TNR: variants seen among roughly 807,000 people sequenced by gnomAD.
TNR encodes the protein tenascin R, also known as tenascin-R.
In TNR, 45 loss-of-function variants were observed where a neutral mutation model predicts 150.4. That is an observed-to-expected ratio of 0.30 (90% CI 0.24 to 0.38). TNR has a LOEUF of 0.38. Ranked by LOEUF, TNR falls within the 10% of genes least tolerant of loss-of-function variation. TNR has a pLI of 1.00. For synonymous variants in TNR, 687 were observed against 678.4 expected (o/e 1.01, Z -0.20); for missense variants, 1,544 against 1,759.1 (o/e 0.88, Z 2.19).
chr1:175,425,987 G>T (rs1372445382), intron 2 of TNR, among the ~76,000 whole-genome samples: 2 of 152,180 alleles, frequency 1.3e-5, no homozygotes, highest in Non-Finnish European at 2.9e-5. Context: ...TAAGGCCAGG[G>T]TTCTTTAAAC....
intron 1 of TNR, among the ~76,000 whole-genome samples, chr1:175,608,644 T>C (rs1479188193): frequency 1.3e-5 from 2 of 152,178 alleles, no homozygotes; most frequent in South Asian, 4.1e-4. Context: ...AGATATAGCA[T>C]GTTCAAGGAG....
chr1:175,540,810 G>T (rs921940496), intron 1 of TNR, among the ~76,000 whole-genome samples: 1 of 151,770 alleles, frequency 6.6e-6, no homozygotes, highest in Non-Finnish European at 1.5e-5. Flanking sequence ...CTCTCAGCCC[G>T]CTTCTAATCC....
intron 2 of TNR, among the ~76,000 whole-genome samples, chr1:175,468,018 G>A (rs1657108018): frequency 6.6e-6 from 1 of 152,246 alleles, no homozygotes; most frequent in African/African-American, 2.4e-5. Flanking sequence ...TACGGCAGCA[G>A]AGAAAGCTTA....
At chr1:175,677,269 C>T (rs1175807308) in intron 1 of TNR, among the ~76,000 whole-genome samples, 3 of 152,174 alleles carry the variant, frequency 2.0e-5, no homozygotes, top group Non-Finnish European at 4.4e-5. Flanking sequence ...GTGAGGATTT[C>T]CTGGGTGTCT....
chr1:175,359,255 C>T (rs1651480261), intron 15 of TNR, among the ~76,000 whole-genome samples: 1 of 143,620 alleles, frequency 7.0e-6, no homozygotes, highest in Non-Finnish European at 1.5e-5. Context: ...AAGTGATTCT[C>T]CTGCCTCAGC....
At chr1:175,432,122 G>T (rs1201543874) in intron 2 of TNR, among the ~76,000 whole-genome samples, 1 of 152,134 alleles carries the variant, frequency 6.6e-6, no homozygotes, top group Non-Finnish European at 1.5e-5. Context: ...GCACATCACA[G>T]GTGGAGGAGG....
chr1:175,689,596 C>T (rs879867484), intron 1 of TNR, among the ~76,000 whole-genome samples: 1 of 152,198 alleles, frequency 6.6e-6, no homozygotes, highest in Non-Finnish European at 1.5e-5. Context: ...ATCCTTGTTA[C>T]AGCCCTGGCT....
chr1:175,474,448 G>A (rs1657455510), intron 2 of TNR, among the ~76,000 whole-genome samples: 1 of 152,138 alleles, frequency 6.6e-6, no homozygotes, highest in Non-Finnish European at 1.5e-5. Context: ...AACCCTGCCG[G>A]CCCCTGATGT....
chr1:175,462,899 G>A (rs1304983472), intron 2 of TNR, among the ~76,000 whole-genome samples: 2 of 152,220 alleles, frequency 1.3e-5, no homozygotes, highest in African/African-American at 4.8e-5. Context: ...CCCTGCTGTG[G>A]TGGAGATCTT....
At chr1:175,731,092 C>G (rs1349347765) in intron 1 of TNR, among the ~76,000 whole-genome samples, 1 of 152,184 alleles carries the variant, frequency 6.6e-6, no homozygotes, top group African/African-American at 2.4e-5. Flanking sequence ...GCCAAAGTCT[C>G]TAAATGACAC....
At chr1:175,741,167 C>G (rs1173314986) in intron 1 of TNR, among the ~76,000 whole-genome samples, 2 of 152,210 alleles carry the variant, frequency 1.3e-5, no homozygotes, top group South Asian at 2.1e-4. Context: ...GGGGAGCAAT[C>G]CATTCCTTCT....
At chr1:175,326,573 A>G (rs1421649280) in intron 21 of TNR, among the ~76,000 whole-genome samples, 5 of 151,974 alleles carry the variant, frequency 3.3e-5, no homozygotes, top group Non-Finnish European at 7.4e-5. Flanking sequence ...ATGCCCATCT[A>G]GAGTTAACCC....
intron 1 of TNR, among the ~76,000 whole-genome samples, chr1:175,658,480 A>C (rs932257019): frequency 1.3e-5 from 2 of 152,178 alleles, no homozygotes; most frequent in African/African-American, 4.8e-5. Context: ...CTGAGGGCAA[A>C]GTAAAACCTC....
intron 1 of TNR, among the ~76,000 whole-genome samples, chr1:175,704,235 T>C (rs1666780029): frequency 6.6e-6 from 1 of 152,206 alleles, no homozygotes; most frequent in Non-Finnish European, 1.5e-5. Context: ...TTTACCATAA[T>C]AAACGAGTTG....
At chr1:175,569,471 T>C (rs1374676986) in intron 1 of TNR, among the ~76,000 whole-genome samples, 4 of 152,226 alleles carry the variant, frequency 2.6e-5, no homozygotes, top group Non-Finnish European at 1.5e-5. Flanking sequence ...GGATCTCTGC[T>C]TTCAAGCAGC....
rs527266326 is a variant in TNR, at chr1:175,657,318, G to T, written c.-165+85908C>A. On this transcript the variant is annotated intron_variant, in intron 1 of 22. Coordinates refer to ENST00000367674, the MANE Select transcript of TNR (RefSeq NM_003285.3). Reference sequence around the variant, plus strand: ...GAAATAGGAACACTTTTACACTGTTGGTGGGACAGTAAACTAGTTCAACCA... The same window carrying T: ...GAAATAGGAACACTTTTACACTGTTTGTGGGACAGTAAACTAGTTCAACCA... Among the ~76,000 whole-genome samples the T allele has an allele frequency of 2.4e-4, 37 of 152,278 alleles. 1 individual carries two copies. Among genetic ancestry groups the T allele is most frequent in the African/African-American group, 8.2e-4 (34 of 41,558 alleles).
intron 9 of TNR, 56 bp from the exon 10 acceptor site, chr1:175,367,353 G>T: frequency 1.4e-6 from 2 of 1,459,848 alleles, no homozygotes; most frequent in Admixed American, 1.7e-5. Flanking sequence ...GGCTAGGAAG[G>T]CTGAAAGTGG....
intron 2 of TNR, among the ~76,000 whole-genome samples, chr1:175,506,682 C>A (rs370381968): frequency 6.6e-6 from 1 of 152,190 alleles, no homozygotes; most frequent in East Asian, 1.9e-4. Flanking sequence ...CTTCAGCCTC[C>A]AGAACTGTGA....
intron 2 of TNR, among the ~76,000 whole-genome samples, chr1:175,507,170 C>T (rs777768665): frequency 1.3e-5 from 2 of 152,154 alleles, no homozygotes; most frequent in African/African-American, 2.4e-5. Flanking sequence ...TGCAGTGGTG[C>T]GTGTGCCCCG....
Sources: allele counts gnomAD v4.1 joint callset (sites outside exome capture counted in the v4.1 genomes callset), GRCh38; gene constraint gnomAD v4.1.1; transcripts MANE v1.5; gene names NCBI Gene and HGNC (gene_info 2026-07-23, HGNC 2026-07-21).